IQCH: variants seen among roughly 807,000 people sequenced by gnomAD.
IQCH encodes IQ motif containing H.
IQCH carries 98 observed loss-of-function variants against 117.0 expected under a neutral mutation model. The ratio of observed to expected loss-of-function variants is 0.84; its 90% CI spans 0.71 to 0.99. The LOEUF is 0.99. Among genes scored for constraint, IQCH ranks in the 50% least tolerant of loss-of-function variants. IQCH has a pLI of 0.00. For synonymous variants in IQCH, 412 were observed against 448.2 expected (o/e 0.92, Z 1.02); for missense variants, 1,102 against 1,243.8 (o/e 0.89, Z 1.72).
rs995061171 is a variant in IQCH, at chr15:67,387,998, ATT to A, written c.1457-831_1457-830del. On this transcript the variant is annotated intron_variant, in intron 11 of 20. Coordinates refer to ENST00000335894, the MANE Select transcript of IQCH (RefSeq NM_001031715.3). The surrounding 1 kb of genome is among the most constrained non-coding windows in gnomAD (Gnocchi z 4.8). ...CAATGATTACTGTATTTCCCTCCAC[ATT>A]TAGCCAAGGGCTTTGCCCCTACAGA... Among the ~76,000 whole-genome samples, 4 of 152,138 alleles carry A rather than the reference ATT, an allele frequency of 2.6e-5. No individual in the cohort carries two copies. The highest frequency in any genetic ancestry group is 7.2e-5 in the African/African-American group (3 of 41,432).
intron 16 of IQCH, among the ~76,000 whole-genome samples, chr15:67,450,225 G>C (rs1371950405): frequency 6.6e-6 from 1 of 152,040 alleles, no homozygotes; most frequent in African/African-American, 2.4e-5. Context: ...TCCTTCTCCT[G>C]CCTGATTGCC....
Position 67,407,771 on chromosome 15 carries a change from G to T in IQCH, c.2097+7466G>T, listed in dbSNP as rs964965833. Reference sequence around the variant, plus strand: ...TAGGTAATCATTGTCTACTGCAAGCGTGCTGTTTGTACCTTTTATTTTATT... The same window carrying T: ...TAGGTAATCATTGTCTACTGCAAGCTTGCTGTTTGTACCTTTTATTTTATT... On this transcript the variant is annotated intron_variant, in intron 14 of 20. Transcript: ENST00000335894. The surrounding 1 kb of genome is among the most constrained non-coding windows in gnomAD (Gnocchi z 5.3). 3 of 152,190 alleles carry T rather than the reference G, an allele frequency of 2.0e-5. No individual in the cohort carries two copies. Among genetic ancestry groups the T allele is most frequent in the Non-Finnish European group, 4.4e-5 (3 of 68,036 alleles). 9.4% of individuals were successfully genotyped at this position (152,190 alleles called of 1,614,324 possible).
chr15:67,315,181 G>A (rs1297177761), intron 4 of IQCH, among the ~76,000 whole-genome samples: 1 of 152,184 alleles, frequency 6.6e-6, no homozygotes, highest in Non-Finnish European at 1.5e-5. Context: ...AGACCTGAAT[G>A]TTCAAATCAG....
chr15:67,417,426 G>C lies in IQCH; in HGVS notation c.2218+375G>C, dbSNP rs1247645190. ...ACTTACCTACCTTACAGGGTCATTG[G>C]GTGGATTCAATGAAATACAGATATG... is the stretch of plus-strand genomic sequence containing the variant. On this transcript the variant is annotated intron_variant, in intron 15 of 20. Transcript: ENST00000335894. This position sits in a 1 kb window ranked among gnomAD's most constrained non-coding sequence, Gnocchi z 4.3. Among the ~76,000 whole-genome samples, 1 of 152,070 alleles carries C rather than the reference G, an allele frequency of 6.6e-6. No individual in the cohort carries two copies. Among genetic ancestry groups the C allele is most frequent in the Non-Finnish European group, 1.5e-5 (1 of 68,020 alleles).
Position 67,364,564 on chromosome 15 carries a change from A to G in IQCH, c.753+4679A>G, listed in dbSNP as rs1970265449. On this transcript the variant is annotated intron_variant, in intron 8 of 20. Coordinates refer to ENST00000335894, the MANE Select transcript of IQCH (RefSeq NM_001031715.3). The surrounding 1 kb of genome is among the most constrained non-coding windows in gnomAD (Gnocchi z 4.1). ...ATTTTGCTTATATACAACAGAAAAAAGGTTAAATTATCAGCCAACAAGATA... is the reference window on the plus strand; with the variant it reads ...ATTTTGCTTATATACAACAGAAAAAGGGTTAAATTATCAGCCAACAAGATA... Among the ~76,000 whole-genome samples the G allele has an allele frequency of 6.6e-6, 1 of 152,180 alleles. No individual in the cohort carries two copies. Among genetic ancestry groups the G allele is most frequent in the South Asian group, 2.1e-4 (1 of 4,830 alleles).
rs541151403 is a variant in IQCH at position 67,501,697 on chromosome 15, T to C, written c.*951T>C. On this transcript the variant is annotated 3_prime_UTR_variant, in exon 21 of 21. Coordinates refer to ENST00000335894, the MANE Select transcript of IQCH (RefSeq NM_001031715.3). This position sits in a 1 kb window ranked among gnomAD's most constrained non-coding sequence, Gnocchi z 5.2. ...ATGTCTATAAAAATATTTTAGTGTA[T>C]TGGGGAAAGGAATAGGATTTTTACC... The C allele has an allele frequency of 1.6e-4, 25 of 152,238 alleles. No individual in the cohort carries two copies. The highest frequency in any genetic ancestry group is 3.4e-4 in the Non-Finnish European group (23 of 68,044). 9.4% of individuals were successfully genotyped at this position (152,238 alleles called of 1,614,324 possible).
chr15:67,321,779 G>T (rs1325195279), intron 4 of IQCH, among the ~76,000 whole-genome samples: 1 of 152,126 alleles, frequency 6.6e-6, no homozygotes, highest in Non-Finnish European at 1.5e-5. Flanking sequence ...CTCACACTTG[G>T]AAACTTTTCA....
intron 6 of IQCH, among the ~76,000 whole-genome samples, chr15:67,345,407 A>G (rs1388589967): frequency 6.6e-6 from 1 of 152,218 alleles, no homozygotes; most frequent in Non-Finnish European, 1.5e-5. Flanking sequence ...AGAGTACGGA[A>G]AGAAGAAAAA....
Position 67,400,193 on chromosome 15 carries a change from G to A in IQCH, c.1985G>A (p.Arg662Gln), listed in dbSNP as rs146418351. The A allele has an allele frequency of 3.7e-6, 6 of 1,613,690 alleles. No individual in the cohort carries two copies. The highest frequency in any genetic ancestry group is 2.2e-5 in the East Asian group (1 of 44,830). Reference protein sequence around the residue: ...RWLFKMDSEFRGNGTAFCDIP... With the variant: ...RWLFKMDSEFQGNGTAFCDIP... ...CTCTTTAAAATGGACTCTGAGTTCC[G>A]AGGAAATGGGACTGCATTTTGTGAT... Residue 662 changes from arginine to glutamine, a missense_variant, in exon 14 of 21, where the codon CGA (arginine) becomes CAA (glutamine). Physicochemically the swap from Arg to Gln is conservative, Grantham distance 43. Around this residue, in one of 2 missense-constraint regions of IQCH, gnomAD observed 650 missense variants for 794.3 expected, o/e 0.82. Transcript: ENST00000335894.
intron 16 of IQCH, among the ~76,000 whole-genome samples, chr15:67,440,069 C>A (rs2082231476): frequency 6.6e-6 from 1 of 152,038 alleles, no homozygotes; most frequent in Non-Finnish European, 1.5e-5. Flanking sequence ...GACAAAAGAT[C>A]ATTGAAGGCT....
intron 5 of IQCH, among the ~76,000 whole-genome samples, chr15:67,343,596 A>G (rs1321713265): frequency 6.6e-6 from 1 of 152,212 alleles, no homozygotes; most frequent in Non-Finnish European, 1.5e-5. Flanking sequence ...GTCTAAAAAT[A>G]ACTCCTTATT....
intron 16 of IQCH, among the ~76,000 whole-genome samples, chr15:67,461,837 G>C (rs559053383): frequency 6.6e-6 from 1 of 152,276 alleles, no homozygotes; most frequent in South Asian, 2.1e-4. Context: ...AGGTTGAATA[G>C]AACAATTACG....
Position 67,359,745 on chromosome 15 carries a change from G to T in IQCH, c.715-102G>T. On this transcript the variant is annotated intron_variant, in intron 7 of 20. Coordinates refer to ENST00000335894, the MANE Select transcript of IQCH (RefSeq NM_001031715.3). The surrounding 1 kb of genome is among the most constrained non-coding windows in gnomAD (Gnocchi z 4.5). ...AAGAGAGAACAGGCTGGCCCAGCGGGTAAAATGGGGAAGGGGGTGAGGCTC... is the reference window on the plus strand; with the variant it reads ...AAGAGAGAACAGGCTGGCCCAGCGGTTAAAATGGGGAAGGGGGTGAGGCTC... 9.9e-7 allele frequency: 1 copy of T among 1,007,662 alleles called. No individual in the cohort carries two copies. Among genetic ancestry groups the T allele is most frequent in the East Asian group, 2.4e-5 (1 of 41,988 alleles). 62.4% of individuals were successfully genotyped at this position (1,007,662 alleles called of 1,614,324 possible). A position where few individuals can be genotyped will look rare whatever the true frequency, so the allele number is the denominator to read the frequency against.
chr15:67,500,423 A>G lies in IQCH; in HGVS notation c.2971-210A>G, dbSNP rs1164686909. On this transcript the variant is annotated intron_variant, in intron 20 of 20. Coordinates refer to ENST00000335894, the MANE Select transcript of IQCH (RefSeq NM_001031715.3). The surrounding 1 kb of genome is among the most constrained non-coding windows in gnomAD (Gnocchi z 4.4). ...ATTATTAGACATAATAGGCATAAAA[A>G]TTCTAAAAAGTTTTCCAAATTCTTA... Among the ~76,000 whole-genome samples the G allele has an allele frequency of 6.6e-6, 1 of 152,206 alleles. No individual in the cohort carries two copies. The highest frequency in any genetic ancestry group is 1.5e-5 in the Non-Finnish European group (1 of 68,020).
At chr15:67,277,632 C>T (rs1216435975) in intron 3 of IQCH, among the ~76,000 whole-genome samples, 1 of 151,062 alleles carries the variant, frequency 6.6e-6, no homozygotes, top group Non-Finnish European at 1.5e-5. Context: ...CTTCCGGGTT[C>T]ATGCCACTCT....
chr15:67,306,640 C>T (rs958632793), intron 4 of IQCH, among the ~76,000 whole-genome samples: 2 of 152,062 alleles, frequency 1.3e-5, no homozygotes, highest in African/African-American at 4.8e-5. Context: ...GCATTGAAAA[C>T]ACATATACCC....
intron 4 of IQCH, among the ~76,000 whole-genome samples, chr15:67,280,026 A>T (rs915495427): frequency 1.3e-5 from 2 of 152,160 alleles, no homozygotes; most frequent in Non-Finnish European, 2.9e-5. Context: ...AAAAAAAAAA[A>T]TGTGAATTTT....
chr15:67,328,989 C>T (rs942196813), intron 4 of IQCH, among the ~76,000 whole-genome samples: 9 of 152,088 alleles, frequency 5.9e-5, no homozygotes, highest in African/African-American at 1.9e-4. Flanking sequence ...CAATTGATCA[C>T]TTGTGCCTTT....
rs905187261 is a variant in IQCH, at chr15:67,465,350, C to T, written c.2676+53C>T. On this transcript the variant is annotated intron_variant, in intron 17 of 20. Coordinates refer to ENST00000335894, the MANE Select transcript of IQCH (RefSeq NM_001031715.3). The surrounding 1 kb of genome is among the most constrained non-coding windows in gnomAD (Gnocchi z 5.9). ...CTCGGTGTTCAGCAACACCCACTGC[C>T]ACTGCCTGAGCTCTGTCTAGGAGCC... The T allele has an allele frequency of 6.4e-6, 10 of 1,566,618 alleles. No individual in the cohort carries two copies. The highest frequency in any genetic ancestry group is 7.8e-6 in the Non-Finnish European group (9 of 1,150,660).
Sources: gnomAD v4.1 joint callset for allele counts (sites outside exome capture counted in the v4.1 genomes callset) on GRCh38, gnomAD v4.1.1 for gene constraint, gnomAD v4.1.1 regional missense constraint, Gnocchi (gnomAD v3.1) non-coding constraint, MANE v1.5 for transcripts, NCBI Gene and HGNC (gene_info 2026-07-23, HGNC 2026-07-21) for gene names.